The following CEP112 variants were observed in gnomAD, a reference collection of about 807,000 sequenced individuals.
CEP112 encodes the protein centrosomal protein 112.
In CEP112, 127 loss-of-function variants were observed where a neutral mutation model predicts 153.0. The ratio of observed to expected loss-of-function variants is 0.83; its 90% CI spans 0.72 to 0.96. The LOEUF (loss-of-function observed/expected upper bound fraction) is 0.96, where lower values mean the gene tolerates loss of function less well. CEP112 is among the 40% of genes least tolerant of loss of function. The pLI, the probability that CEP112 is intolerant of heterozygous loss-of-function variation, is 0.00. For missense variants in CEP112, 1,089 were observed against 1,101.2 expected, an observed-to-expected ratio of 0.99 and a Z score of 0.16; for synonymous variants, 358 against 374.4, an observed-to-expected ratio of 0.96 and a Z score of 0.51.
At position 66,045,860 on chromosome 17, in the gene CEP112, G is replaced by A. The variant is rs556847490; in HGVS notation, c.1218+7876C>T. ...AAAGACTCTTTTAGTAGATCCACAA[G>A]GTCAAAACTATTTCTATAACTATAC... On this transcript the variant is annotated intron_variant, in intron 12 of 26. Transcript: ENST00000535342. Among the ~76,000 whole-genome samples, 60 of 150,362 alleles carry A rather than the reference G, an allele frequency of 4.0e-4. 1 individual carries two copies. Among genetic ancestry groups the A allele is most frequent in the East Asian group, 2.0e-4 (1 of 4,952 alleles).
At chr17:66,144,987 AAC>A (rs1694635385) in intron 4 of CEP112, among the ~76,000 whole-genome samples, 1 of 152,176 alleles carries the variant, frequency 6.6e-6, no homozygotes, top group African/African-American at 2.4e-5. Flanking sequence ...TACTCCCATC[AAC>A]AGTGTATGAG....
chr17:65,847,473 A>T (rs1308019491), intron 21 of CEP112, among the ~76,000 whole-genome samples: 1 of 152,228 alleles, frequency 6.6e-6, no homozygotes, highest in Non-Finnish European at 1.5e-5. Flanking sequence ...CTAAGAATAC[A>T]GATGCTATTA....
intron 23 of CEP112, among the ~76,000 whole-genome samples, chr17:65,712,004 A>G (rs1022157871): frequency 6.6e-6 from 1 of 152,176 alleles, no homozygotes; most frequent in Non-Finnish European, 1.5e-5. Flanking sequence ...CTTTCCCCAC[A>G]GCCAGAGGCA....
intron 17 of CEP112, among the ~76,000 whole-genome samples, chr17:65,968,307 T>C (rs2044185): frequency 0.41 from 62,960 of 151,952 alleles, 14,439 homozygotes; most frequent in East Asian, 0.87. Flanking sequence ...AAAAACATTA[T>C]CCATGCCTTG....
intron 21 of CEP112, among the ~76,000 whole-genome samples, chr17:65,807,578 C>G (rs994952143): frequency 6.6e-6 from 1 of 152,180 alleles, no homozygotes; most frequent in Non-Finnish European, 1.5e-5. Context: ...GGCCCCTCTG[C>G]TCTGTGCAGC....
chr17:65,702,604 C>A lies in CEP112; in HGVS notation c.2608-13386G>T, dbSNP rs147083465. ...GTTCTATTTTATTATTGTTGGTAGT[C>A]TCTTATAGTGCCTAATTTATATATT... is the stretch of plus-strand genomic sequence containing the variant. On this transcript the variant is annotated intron_variant, in intron 23 of 26. Coordinates refer to ENST00000535342, the MANE Select transcript of CEP112 (RefSeq NM_001199165.4). Among the ~76,000 whole-genome samples, 13 of 152,214 alleles carry A rather than the reference C, an allele frequency of 8.5e-5. No individual in the cohort carries two copies. In the East Asian group the frequency reaches 2.5e-3, roughly 29 times the overall value.
chr17:66,026,034 C>G (rs1391288243), intron 16 of CEP112, among the ~76,000 whole-genome samples: 1 of 151,366 alleles, frequency 6.6e-6, no homozygotes. Flanking sequence ...AAGGGAAAGT[C>G]AAATGCCACG....
At chr17:66,118,480 C>G (rs2069410535) in intron 6 of CEP112, among the ~76,000 whole-genome samples, 1 of 152,014 alleles carries the variant, frequency 6.6e-6, no homozygotes. Context: ...TGTTCTCACT[C>G]ATATGTGCTA....
At chr17:66,188,652 T>C (rs573979294) in intron 1 of CEP112, among the ~76,000 whole-genome samples, 1 of 151,740 alleles carries the variant, frequency 6.6e-6, no homozygotes, top group East Asian at 2.0e-4. Context: ...GAGAAGCTCC[T>C]AGAAGGCAGG....
chr17:65,998,297 C>T (rs185993763), intron 17 of CEP112, among the ~76,000 whole-genome samples: 4 of 144,712 alleles, frequency 2.8e-5, no homozygotes, highest in Admixed American at 7.3e-5. Context: ...GTGGGAGGAT[C>T]GCTTGAGCTT....
chr17:66,032,119 A>C (rs1259836548), intron 12 of CEP112, among the ~76,000 whole-genome samples: 1 of 152,036 alleles, frequency 6.6e-6, no homozygotes, highest in Non-Finnish European at 1.5e-5. Context: ...CTCCTGCCTC[A>C]GCCATCTGAG....
chr17:65,703,120 G>A (rs1404167948), intron 23 of CEP112, among the ~76,000 whole-genome samples: 1 of 152,182 alleles, frequency 6.6e-6, no homozygotes, highest in Non-Finnish European at 1.5e-5. Context: ...GAGGGGATTG[G>A]TGTCCTAACT....
intron 8 of CEP112, among the ~76,000 whole-genome samples, chr17:66,077,479 G>C (rs2146139771): frequency 6.6e-6 from 1 of 152,206 alleles, no homozygotes; most frequent in East Asian, 1.9e-4. Context: ...TTGACGACAA[G>C]GTCTTCTAAT....
intron 17 of CEP112, among the ~76,000 whole-genome samples, chr17:65,971,415 A>AGCACATATATTGGATGCATGTGATGTAT (rs148309566): frequency 0.41 from 62,660 of 151,438 alleles, 14,321 homozygotes; most frequent in East Asian, 0.87. Flanking sequence ...GCACCCATGC[A>AGCACATATATTGGATGCATGTGATGTAT]GCATGCTGCA....
At chr17:65,659,015 CAAAAAAAAA>C (rs777326885) in intron 24 of CEP112, among the ~76,000 whole-genome samples, 1,637 of 55,594 alleles carry the variant, frequency 0.029, 56 homozygotes, top group African/African-American at 0.09. Context: ...GACTCTGTCT[CAAAAAAAAA>C]AAAAAAAAAA....
intron 6 of CEP112, among the ~76,000 whole-genome samples, chr17:66,098,609 T>C (rs965603337): frequency 2.6e-5 from 4 of 152,216 alleles, no homozygotes; most frequent in African/African-American, 9.6e-5. Context: ...ATAGACAGGA[T>C]ATAAAGTATA....
At chr17:65,847,598 C>T (rs1477030478) in intron 21 of CEP112, among the ~76,000 whole-genome samples, 4 of 152,152 alleles carry the variant, frequency 2.6e-5, no homozygotes, top group Non-Finnish European at 4.4e-5. Context: ...ATGTCATACC[C>T]GGAGGGCACC....
intron 4 of CEP112, among the ~76,000 whole-genome samples, chr17:66,163,199 C>T (rs1043432557): frequency 3.3e-5 from 5 of 152,092 alleles, no homozygotes; most frequent in Non-Finnish European, 5.9e-5. Context: ...TGCTTATCTT[C>T]TAGTGGCTCT....
intron 1 of CEP112, among the ~76,000 whole-genome samples, chr17:66,185,173 C>T (rs1412891146): frequency 6.7e-6 from 1 of 148,552 alleles, no homozygotes; most frequent in Non-Finnish European, 1.5e-5. Flanking sequence ...TAAGAACCTA[C>T]AGTGGCAAGA....
Sources: gnomAD v4.1 joint callset for allele counts (sites outside exome capture counted in the v4.1 genomes callset) on GRCh38, gnomAD v4.1.1 for gene constraint, MANE v1.5 for transcripts, NCBI Gene and HGNC (gene_info 2026-07-23, HGNC 2026-07-21) for gene names.